Variants in ATP6V1G1 observed in about 807,000 individuals in gnomAD.
The protein encoded by ATP6V1G1 is ATPase H+ transporting V1 subunit G1, also known as V-type proton ATPase subunit G 1.
A neutral mutation model predicts 14.2 loss-of-function variants in ATP6V1G1; 14 were observed. The observed-to-expected ratio is 0.99, with a 90% CI of 0.65 to 1.55. The LOEUF (loss-of-function observed/expected upper bound fraction) is 1.55, where lower values mean the gene tolerates loss of function less well. ATP6V1G1 is among the 40% of genes most tolerant of loss of function. The pLI is 0.00. For missense variants in ATP6V1G1, 137 were observed against 146.4 expected, an observed-to-expected ratio of 0.94 and a Z score of 0.33; for synonymous variants, 65 against 53.3, an observed-to-expected ratio of 1.22 and a Z score of -0.96.
intron 1 of ATP6V1G1, among the ~76,000 whole-genome samples, chr9:114,589,859 G>A (rs1221523981): frequency 6.6e-6 from 1 of 152,158 alleles, no homozygotes; most frequent in Non-Finnish European, 1.5e-5. Flanking sequence ...GTCAAGCCTG[G>A]TGCAGGGTTT....
At chr9:114,590,198 C>CAAAAAA in intron 1 of ATP6V1G1, among the ~76,000 whole-genome samples, 1 of 97,502 alleles carries the variant, frequency 1.0e-5, no homozygotes, top group East Asian at 2.7e-4. Context: ...GACGCCGTCT[C>CAAAAAA]AAAAAAAAAA....
At chr9:114,596,766 A>T (rs1233234073) in intron 2 of ATP6V1G1, among the ~76,000 whole-genome samples, 2 of 151,952 alleles carry the variant, frequency 1.3e-5, no homozygotes, top group African/African-American at 4.8e-5. Context: ...GCTTGTGTTT[A>T]TTATTATTTA....
chr9:114,592,941 T>C (rs1845199802), intron 2 of ATP6V1G1, among the ~76,000 whole-genome samples: 1 of 152,242 alleles, frequency 6.6e-6, no homozygotes, highest in African/African-American at 2.4e-5. Flanking sequence ...GGAATAGACA[T>C]GGTCCCTTCC....
At position 114,587,847 on chromosome 9, in the gene ATP6V1G1, T is replaced by G; in HGVS notation, c.9T>G (p.Ser3Arg). ...TCAGAATCGCTGCCGCCATGGCTAG[T>G]CAGTCTCAGGGGATTCAGCAGCTGC... is the stretch of plus-strand genomic sequence containing the variant. MA[S>R]QSQGIQQLLQ... is the part of the protein sequence containing the mutation. The change falls in exon 1 of 3, where the codon AGT (serine) becomes AGG (arginine). Residue 3 changes from serine to arginine, a missense_variant. Ser to Arg is a moderately radical substitution (Grantham distance 110, BLOSUM62 -1). Transcript: ENST00000374050. 1 of 1,592,140 alleles carries G rather than the reference T, an allele frequency of 6.3e-7. No individual in the cohort carries two copies. The highest frequency in any genetic ancestry group is 8.5e-7 in the Non-Finnish European group (1 of 1,169,702).
At chr9:114,589,229 T>TTA (rs1845159664) in intron 1 of ATP6V1G1, among the ~76,000 whole-genome samples, 1 of 152,192 alleles carries the variant, frequency 6.6e-6, no homozygotes, top group African/African-American at 2.4e-5. Flanking sequence ...ACCTGTTTGT[T>TTA]TATATGGCTC....
chr9:114,594,951 C>G (rs1191935081), intron 2 of ATP6V1G1, among the ~76,000 whole-genome samples: 1 of 150,066 alleles, frequency 6.7e-6, no homozygotes. Context: ...CCCCCACCTC[C>G]CAGGTTCAAG....
chr9:114,597,513 T>C (rs1390738873), intron 2 of ATP6V1G1, 57 bp from the exon 3 acceptor site: 13 of 1,395,548 alleles, frequency 9.3e-6, no homozygotes, highest in Non-Finnish European at 1.1e-5. Flanking sequence ...GAAATGTACC[T>C]GACCAACCAG....
At chr9:114,592,803 T>A (rs1845195943) in intron 2 of ATP6V1G1, 151 bp downstream of exon 2, 1 of 731,084 alleles carries the variant, frequency 1.4e-6, no homozygotes, top group East Asian at 2.8e-5. Context: ...CATCTGTCTT[T>A]TAGGATGATC....
chr9:114,596,986 CTTTTTTT>C (rs71367785), intron 2 of ATP6V1G1, among the ~76,000 whole-genome samples: 2 of 104,584 alleles, frequency 1.9e-5, no homozygotes, highest in African/African-American at 3.8e-5. Flanking sequence ...ATAGCAGATT[CTTTTTTT>C]TTTTTTTTTT....
In ATP6V1G1 at chr9:114,598,449, T is replaced by C. The variant is rs7868842; in HGVS notation, c.*706T>C. The C allele has an allele frequency of 0.72, 109,299 of 152,438 alleles. 39,894 individuals carry two copies. The highest frequency in any genetic ancestry group is 0.84 in the African/African-American group (34,990 of 41,496). 9.4% of individuals were successfully genotyped at this position (152,438 alleles called of 1,614,324 possible). Reference sequence around the variant, plus strand: ...TTCATTTTTGATCATGCGAAATGCATTTTGACCCAGATGGTCTGCAGAACT... The same window carrying C: ...TTCATTTTTGATCATGCGAAATGCACTTTGACCCAGATGGTCTGCAGAACT... On this transcript the variant is annotated 3_prime_UTR_variant, in exon 3 of 3. Transcript: ENST00000374050.
chr9:114,587,987 T>C, intron 1 of ATP6V1G1, 67 bp downstream of exon 1: 6 of 1,521,286 alleles, frequency 3.9e-6, no homozygotes, highest in Non-Finnish European at 5.3e-6. Flanking sequence ...CCTCAGGTGG[T>C]GGGTAGATTA....
Position 114,592,444 on chromosome 9 carries a change from A to G in ATP6V1G1, c.83-108A>G, listed in dbSNP as rs1845192048. 3 of 1,094,962 alleles carry G rather than the reference A, an allele frequency of 2.7e-6. No homozygotes were observed. In the Admixed American group the frequency reaches 7.5e-5, roughly 27 times the overall value. 67.8% of individuals were successfully genotyped at this position (1,094,962 alleles called of 1,614,324 possible). A position where few individuals can be genotyped will look rare whatever the true frequency, so the allele number is the denominator to read the frequency against. ...CTCTTTCCCATGCACATCTCTTCGG[A>G]CTGTGTCATAATTTATTCTTGGCTT... On this transcript the variant is annotated intron_variant, in intron 1 of 2. Transcript: ENST00000374050.
At chr9:114,589,924 G>A (rs1052211059) in intron 1 of ATP6V1G1, among the ~76,000 whole-genome samples, 3 of 152,162 alleles carry the variant, frequency 2.0e-5, no homozygotes, top group Non-Finnish European at 1.5e-5. Context: ...TTGGCTGGGC[G>A]TGGTGGCTCA....
chr9:114,592,408 C>A, intron 1 of ATP6V1G1, 144 bp from the exon 2 acceptor site: 1 of 790,132 alleles, frequency 1.3e-6, no homozygotes, highest in Non-Finnish European at 1.9e-6. Context: ...TGTTTGTTAG[C>A]TCTGAATTCC....
At chr9:114,591,934 A>G (rs1845186155) in intron 1 of ATP6V1G1, among the ~76,000 whole-genome samples, 1 of 152,040 alleles carries the variant, frequency 6.6e-6, no homozygotes, top group African/African-American at 2.4e-5. Context: ...TAAGCCACTC[A>G]CTTCTAGAAA....
At chr9:114,596,135 A>G (rs1220040373) in intron 2 of ATP6V1G1, among the ~76,000 whole-genome samples, 2 of 152,058 alleles carry the variant, frequency 1.3e-5, no homozygotes, top group African/African-American at 4.8e-5. Context: ...TTCAGGTAAT[A>G]AAAAGGGGCA....
chr9:114,591,285 A>G (rs1006478781), intron 1 of ATP6V1G1, among the ~76,000 whole-genome samples: 2 of 152,224 alleles, frequency 1.3e-5, no homozygotes, highest in African/African-American at 4.8e-5. Flanking sequence ...AAGGCAGTAA[A>G]TGGTATTATC....
rs757471145 is a variant in ATP6V1G1 at position 114,587,801 on chromosome 9, C to T, written c.-38C>T. 1.3e-5 allele frequency: 21 copies of T among 1,560,062 alleles called. No individual in the cohort carries two copies. Among genetic ancestry groups the T allele is most frequent in the East Asian group, 7.1e-5 (3 of 42,006 alleles). On this transcript the variant is annotated 5_prime_UTR_variant, in exon 1 of 3. Coordinates refer to ENST00000374050, the MANE Select transcript of ATP6V1G1 (RefSeq NM_004888.4). Reference sequence around the variant, plus strand: ...CTGACCCAAGGGGCCTTCGAGGTGCCTTAGGCCGCTTGCCTTGCTCTCAGA... The same window carrying T: ...CTGACCCAAGGGGCCTTCGAGGTGCTTTAGGCCGCTTGCCTTGCTCTCAGA...
intron 1 of ATP6V1G1, among the ~76,000 whole-genome samples, chr9:114,588,818 C>G (rs918802249): frequency 2.6e-5 from 4 of 152,156 alleles, no homozygotes; most frequent in African/African-American, 9.7e-5. Context: ...TGACTTCCTG[C>G]TGGTAAGGAA....
Sources: allele counts gnomAD v4.1 joint callset (sites outside exome capture counted in the v4.1 genomes callset), GRCh38; gene constraint gnomAD v4.1.1; transcripts MANE v1.5; gene names NCBI Gene and HGNC (gene_info 2026-07-23, HGNC 2026-07-21).